The following SAMD12 variants were observed in gnomAD, a reference collection of about 807,000 sequenced individuals.
The protein encoded by SAMD12 is sterile alpha motif domain containing 12.
In SAMD12, 9 loss-of-function variants were observed where a neutral mutation model predicts 15.0. The ratio of observed to expected loss-of-function variants is 0.60; its 90% CI spans 0.36 to 1.05. The LOEUF (loss-of-function observed/expected upper bound fraction) is 1.05, where lower values mean the gene tolerates loss of function less well. Ranked by LOEUF, SAMD12 falls within the 50% of genes least tolerant of loss-of-function variation. SAMD12 has a pLI of 0.01. For missense variants in SAMD12, 230 were observed against 234.2 expected, an observed-to-expected ratio of 0.98 and a Z score of 0.12; for synonymous variants, 86 against 90.1, an observed-to-expected ratio of 0.96 and a Z score of 0.25.
At chr8:118,286,718 C>T (rs1209680746) in intron 4 of SAMD12, among the ~76,000 whole-genome samples, 1 of 152,186 alleles carries the variant, frequency 6.6e-6, no homozygotes, top group Non-Finnish European at 1.5e-5. Flanking sequence ...ATTCGTGTCT[C>T]TCCATCAACA....
chr8:118,289,378 C>A lies in SAMD12; in HGVS notation c.433+90182G>T, dbSNP rs189847815. On this transcript the variant is annotated intron_variant, in intron 4 of 4. Coordinates refer to the SAMD12 transcript ENST00000409003. Reference sequence around the variant, plus strand: ...ACCTGCTAGATCACACAAATGTCCCCCTGAAGCAGCCTCAGCATATAGGTT... The same window carrying A: ...ACCTGCTAGATCACACAAATGTCCCACTGAAGCAGCCTCAGCATATAGGTT... 1.7e-3 allele frequency among the ~76,000 whole-genome samples: 258 copies of A among 152,222 alleles called. 2 individuals carry two copies. The highest frequency in any genetic ancestry group is 6.1e-3 in the African/African-American group (252 of 41,544).
chr8:118,322,054 C>A (rs945635079), intron 4 of SAMD12, among the ~76,000 whole-genome samples: 6 of 152,106 alleles, frequency 3.9e-5, no homozygotes, highest in African/African-American at 1.4e-4. Context: ...ACTCCTCCAC[C>A]CTTTGGGACT....
intron 3 of SAMD12, among the ~76,000 whole-genome samples, chr8:118,434,700 G>A (rs1235367941): frequency 6.6e-6 from 1 of 152,210 alleles, no homozygotes; most frequent in Non-Finnish European, 1.5e-5. Flanking sequence ...ACAGAATCTT[G>A]CAAGCACAGA....
chr8:118,520,064 A>G (rs1162329049), intron 2 of SAMD12, among the ~76,000 whole-genome samples: 1 of 152,232 alleles, frequency 6.6e-6, no homozygotes, highest in Non-Finnish European at 1.5e-5. Context: ...GCTACAGTGA[A>G]GGCATCACAG....
chr8:118,514,611 C>T (rs975447222), intron 2 of SAMD12, among the ~76,000 whole-genome samples: 48 of 152,108 alleles, frequency 3.2e-4, no homozygotes, highest in African/African-American at 1.1e-3. Flanking sequence ...TTATGCTCTT[C>T]GCACATGAAA....
rs551996883 is a variant in SAMD12 at position 118,474,919 on chromosome 8, T to C, written c.193-34958A>G. Among the ~76,000 whole-genome samples the C allele has an allele frequency of 3.9e-5, 6 of 152,298 alleles. No homozygotes were observed. In the South Asian group the frequency reaches 1.2e-3, roughly 32 times the overall value. On this transcript the variant is annotated intron_variant, in intron 2 of 3. Coordinates refer to ENST00000314727, the MANE Select transcript of SAMD12 (RefSeq NM_207506.3). ...AGTAATGAGTGAGTTCTCACTTTAT[T>C]AGTTCCTGCAAGAGCTAATTGTTGA...
At chr8:118,282,668 C>T (rs1186701636) in intron 4 of SAMD12, among the ~76,000 whole-genome samples, 2 of 152,066 alleles carry the variant, frequency 1.3e-5, no homozygotes, top group East Asian at 3.9e-4. Context: ...GGACAGGGAT[C>T]AGGATACAGA....
chr8:118,507,751 C>T (rs540304687), intron 2 of SAMD12, among the ~76,000 whole-genome samples: 21 of 152,180 alleles, frequency 1.4e-4, no homozygotes, highest in African/African-American at 4.6e-4. Context: ...GTGAAAAACA[C>T]AGTATTTGAG....
At chr8:118,169,331 G>C in the SAMD12 span, among the ~76,000 whole-genome samples, 5 of 152,172 alleles carry the variant, frequency 3.3e-5, no homozygotes, top group Non-Finnish European at 5.9e-5. Flanking sequence ...CTAGCATCAT[G>C]TTTTAAGTTT....
Position 118,369,244 on chromosome 8 carries a change from A to T in SAMD12, c.433+10316T>A, listed in dbSNP as rs559888953. Among the ~76,000 whole-genome samples, 5 of 152,308 alleles carry T rather than the reference A, an allele frequency of 3.3e-5. No homozygotes were observed. In the South Asian group the frequency reaches 8.3e-4, roughly 25 times the overall value. ...AATGGAACAGAATAGAAAACTCAGA[A>T]ATAAGAGTGCACACCTACAACAATC... On this transcript the variant is annotated intron_variant, in intron 4 of 4. Transcript: ENST00000409003.
intron 2 of SAMD12, among the ~76,000 whole-genome samples, chr8:118,536,445 C>CACACACACAG (rs1825846700): frequency 8.3e-6 from 1 of 119,994 alleles, no homozygotes; most frequent in Admixed American, 8.2e-5. Context: ...GATACACAAA[C>CACACACACAG]ACACACACAC....
At chr8:118,393,611 T>C (rs536061911) in intron 3 of SAMD12, among the ~76,000 whole-genome samples, 3 of 151,816 alleles carry the variant, frequency 2.0e-5, no homozygotes, top group African/African-American at 7.2e-5. Flanking sequence ...TTCTTTTTTT[T>C]TTTTGAGACA....
chr8:118,486,820 G>A (rs1380916027), intron 2 of SAMD12, among the ~76,000 whole-genome samples: 1 of 152,226 alleles, frequency 6.6e-6, no homozygotes, highest in Non-Finnish European at 1.5e-5. Context: ...GCAATGGTGG[G>A]AGGCAGACAG....
the SAMD12 span, among the ~76,000 whole-genome samples, chr8:118,165,616 A>ATATATATATATATATATATATG: frequency 1.5e-3 from 6 of 4,134 alleles, no homozygotes; most frequent in Non-Finnish European, 6.7e-3. Flanking sequence ...ATATATATGT[A>ATATATATATATATATATATATG]TATATATATA....
At chr8:118,209,026 T>C (rs1294490469) in intron 4 of SAMD12, among the ~76,000 whole-genome samples, 1 of 152,214 alleles carries the variant, frequency 6.6e-6, no homozygotes, top group African/African-American at 2.4e-5. Flanking sequence ...TTATCTTGTT[T>C]ACATAAACCT....
intron 3 of SAMD12, among the ~76,000 whole-genome samples, chr8:118,412,408 C>T (rs751756902): frequency 2.0e-5 from 3 of 152,060 alleles, no homozygotes; most frequent in Non-Finnish European, 2.9e-5. Context: ...GAGGGTCTTC[C>T]GAGGAGCTAA....
chr8:118,557,543 G>A (rs1335724449), intron 2 of SAMD12, among the ~76,000 whole-genome samples: 1 of 152,166 alleles, frequency 6.6e-6, no homozygotes, highest in African/African-American at 2.4e-5. Flanking sequence ...ACTACGGTAG[G>A]TAGGAAAGGG....
chr8:118,524,170 A>C (rs1825469964), intron 2 of SAMD12, among the ~76,000 whole-genome samples: 1 of 151,978 alleles, frequency 6.6e-6, no homozygotes, highest in South Asian at 2.1e-4. Flanking sequence ...AATCCACCAG[A>C]CCCACTCTCT....
rs1823609833 is a variant in SAMD12 at position 118,466,861 on chromosome 8, C to T, written c.193-26900G>A. Among the ~76,000 whole-genome samples, 3 of 152,088 alleles carry T rather than the reference C, an allele frequency of 2.0e-5. No individual in the cohort carries two copies. The South Asian group carries it at 6.2e-4, about 32-fold the overall frequency. On this transcript the variant is annotated intron_variant, in intron 2 of 3. Coordinates refer to ENST00000314727, the MANE Select transcript of SAMD12 (RefSeq NM_207506.3). ...TTAAACCGAAAATTAGATTCCCTGC[C>T]CACAAATTTTGACAAATCTTAAAGG...
Sources: allele counts gnomAD v4.1 joint callset (sites outside exome capture counted in the v4.1 genomes callset), GRCh38; gene constraint gnomAD v4.1.1; transcripts MANE v1.5; gene names NCBI Gene and HGNC (gene_info 2026-07-23, HGNC 2026-07-21).